Variants in CNNM2 observed in about 807,000 individuals in gnomAD.
The protein encoded by CNNM2 is cyclin and CBS domain divalent metal cation transport mediator 2.
In CNNM2, 12 loss-of-function variants were observed where a neutral mutation model predicts 66.9. The ratio of observed to expected loss-of-function variants is 0.18; its 90% CI spans 0.11 to 0.29. CNNM2 has a LOEUF of 0.29. Ranked by LOEUF, CNNM2 falls within the 10% of genes least tolerant of loss-of-function variation. The pLI is 1.00. For synonymous variants in CNNM2, 557 were observed against 501.8 expected, an observed-to-expected ratio of 1.11 and a Z score of -1.47; for missense variants, 705 against 1,167.7, an observed-to-expected ratio of 0.60 and a Z score of 5.77.
In CNNM2 at chr10:102,931,539, T is replaced by C. The variant is rs1483812148; in HGVS notation, c.1621+11438T>C. ...CGGCCGGCTAATTTTGTATTTTTAGTAGAGACGGGGTTTCTCCATGTTGGT... is the reference window on the plus strand; with the variant it reads ...CGGCCGGCTAATTTTGTATTTTTAGCAGAGACGGGGTTTCTCCATGTTGGT... On this transcript the variant is annotated intron_variant, in intron 1 of 7. Transcript: ENST00000369878. Among the ~76,000 whole-genome samples, 1 of 152,100 alleles carries C rather than the reference T, an allele frequency of 6.6e-6. No individual in the cohort carries two copies. Among genetic ancestry groups the C allele is most frequent in the Non-Finnish European group, 1.5e-5 (1 of 68,000 alleles).
intron 1 of CNNM2, among the ~76,000 whole-genome samples, chr10:102,983,518 A>G (rs968002772): frequency 3.9e-5 from 6 of 151,900 alleles, no homozygotes; most frequent in Non-Finnish European, 8.8e-5. Context: ...AAATTACTGC[A>G]GCCTTGACCT....
intron 1 of CNNM2, among the ~76,000 whole-genome samples, chr10:103,037,005 C>A (rs2064952727): frequency 6.6e-6 from 1 of 151,976 alleles, no homozygotes; most frequent in South Asian, 2.1e-4. Flanking sequence ...AAGATGTTAC[C>A]ATTGGGGGAA....
intron 1 of CNNM2, among the ~76,000 whole-genome samples, chr10:103,000,538 C>T (rs921064744): frequency 6.6e-6 from 1 of 152,004 alleles, no homozygotes; most frequent in African/African-American, 2.4e-5. Context: ...ACTACAGCCT[C>T]GGCCTCCTGG....
At chr10:102,952,098 C>A (rs1276105884) in intron 1 of CNNM2, among the ~76,000 whole-genome samples, 1 of 151,534 alleles carries the variant, frequency 6.6e-6, no homozygotes, top group Non-Finnish European at 1.5e-5. Context: ...CCACCACGCC[C>A]GGCCAATTTT....
chr10:102,982,348 G>A (rs2063732285), intron 1 of CNNM2, among the ~76,000 whole-genome samples: 1 of 152,124 alleles, frequency 6.6e-6, no homozygotes, highest in South Asian at 2.1e-4. Context: ...GGTTAGCCTG[G>A]GGCCTGCAGT....
At chr10:103,034,560 C>T (rs981300278) in intron 1 of CNNM2, among the ~76,000 whole-genome samples, 1 of 152,118 alleles carries the variant, frequency 6.6e-6, no homozygotes, top group East Asian at 1.9e-4. Flanking sequence ...CTGATCTTGT[C>T]TACTTGTGTT....
At chr10:103,045,579 C>T (rs561448340) in intron 1 of CNNM2, among the ~76,000 whole-genome samples, 13 of 151,916 alleles carry the variant, frequency 8.6e-5, no homozygotes, top group African/African-American at 2.9e-4. Context: ...ATTTAAAGCT[C>T]TTGCACCCCA....
chr10:102,990,874 T>C (rs2134241827), intron 1 of CNNM2, among the ~76,000 whole-genome samples: 1 of 152,346 alleles, frequency 6.6e-6, no homozygotes, highest in East Asian at 1.9e-4. Flanking sequence ...TCTGATTTCT[T>C]TTACCCCCTG....
chr10:102,997,630 TTATAAAG>T (rs1368624104), intron 1 of CNNM2, among the ~76,000 whole-genome samples: 1 of 152,072 alleles, frequency 6.6e-6, no homozygotes, highest in African/African-American at 2.4e-5. Context: ...TGTAAAATAT[TTATAAAG>T]TATAATTTAT....
chr10:102,967,811 C>T (rs1191760658), intron 1 of CNNM2, among the ~76,000 whole-genome samples: 1 of 152,132 alleles, frequency 6.6e-6, no homozygotes, highest in African/African-American at 2.4e-5. Flanking sequence ...GAGTTCCTGC[C>T]CAGACTGGCC....
Position 103,071,803 on chromosome 10 carries a change from G to A in CNNM2, c.2197G>A (p.Val733Ile). The A allele has an allele frequency of 1.2e-6, 2 of 1,613,874 alleles. No individual in the cohort carries two copies. The highest frequency in any genetic ancestry group is 1.7e-6 in the Non-Finnish European group (2 of 1,179,880). Residue 733 changes from valine to isoleucine, a missense_variant, in exon 6 of 8, where the codon GTC (valine) becomes ATC (isoleucine). This residue lies in a region of CNNM2 where 194 missense variants were observed against 227.6 expected (regional missense o/e 0.85). Coordinates refer to ENST00000369878, the MANE Select transcript of CNNM2 (RefSeq NM_017649.5). ...VPLSLSRTFVVSRTELLAAGS... is the reference protein window; with the variant it reads ...VPLSLSRTFVISRTELLAAGS... ...TTTGTCCCTGTCTCGTACCTTTGTTGTCAGCAGAACAGAGTTGTTAGCAGC... is the reference window on the plus strand; with the variant it reads ...TTTGTCCCTGTCTCGTACCTTTGTTATCAGCAGAACAGAGTTGTTAGCAGC...
In CNNM2 at chr10:103,077,324, A is replaced by G. The variant is rs2065708668; in HGVS notation, c.*144A>G. 2 of 700,348 alleles carry G rather than the reference A, an allele frequency of 2.9e-6. No individual in the cohort carries two copies. The highest frequency in any genetic ancestry group is 4.0e-4 in the Middle Eastern group (1 of 2,488). 43.4% of individuals were successfully genotyped at this position (700,348 alleles called of 1,614,324 possible). ...AGACCAAAGACCTTGTGCCCTTCCC[A>G]GGAGCCGCGGAGGAGGACAGTGAGG... On this transcript the variant is annotated 3_prime_UTR_variant, in exon 8 of 8. Transcript: ENST00000369878.
intron 2 of CNNM2, among the ~76,000 whole-genome samples, chr10:103,050,314 C>G (rs1176895930): frequency 6.6e-6 from 1 of 152,014 alleles, no homozygotes; most frequent in African/African-American, 2.4e-5. Context: ...GGTGAATCAC[C>G]TGAGGTCAGG....
At position 103,073,779 on chromosome 10, in the gene CNNM2, G is replaced by A. The variant is rs11191546; in HGVS notation, c.2233+1940G>A. Among the ~76,000 whole-genome samples, 16,379 of 149,178 alleles carry A rather than the reference G, an allele frequency of 0.11. 1,148 individuals carry two copies. Among genetic ancestry groups the A allele is most frequent in the Non-Finnish European group, 0.15 (10,197 of 67,390 alleles). On this transcript the variant is annotated intron_variant, in intron 6 of 7. Coordinates refer to ENST00000369878, the MANE Select transcript of CNNM2 (RefSeq NM_017649.5). ...CGGGAGGCTGAGGCAGGAGAATGGCGTGAACCCGGGAAGCGGAACTTGCAG... is the reference window on the plus strand; with the variant it reads ...CGGGAGGCTGAGGCAGGAGAATGGCATGAACCCGGGAAGCGGAACTTGCAG...
chr10:103,062,052 GCTAT>G (rs1302104753), intron 4 of CNNM2, among the ~76,000 whole-genome samples: 1 of 152,186 alleles, frequency 6.6e-6, no homozygotes, highest in Admixed American at 6.5e-5. Context: ...GTTTTACAAA[GCTAT>G]CTATGCAAAT....
Position 102,919,371 on chromosome 10 carries a change from G to A in CNNM2, c.891G>A (p.Lys297=). Residue 297 remains lysine, a synonymous_variant, in exon 1 of 8, where the codon AAG becomes AAA. Coordinates refer to ENST00000369878, the MANE Select transcript of CNNM2 (RefSeq NM_017649.5). The part of the protein sequence containing the change: ...LRIVQNCGTE[K]EKNYAKRIEP... ...TCGTGCAGAACTGCGGCACGGAGAAGGAGAAGAATTACGCCAAGCGCATCG... is the reference window on the plus strand; with the variant it reads ...TCGTGCAGAACTGCGGCACGGAGAAAGAGAAGAATTACGCCAAGCGCATCG... The A allele has an allele frequency of 6.2e-7, 1 of 1,612,656 alleles. No homozygotes were observed. The highest frequency in any genetic ancestry group is 1.1e-5 in the South Asian group (1 of 91,086).
At chr10:103,008,458 C>G (rs537224873) in intron 1 of CNNM2, among the ~76,000 whole-genome samples, 1 of 152,272 alleles carries the variant, frequency 6.6e-6, no homozygotes, top group Non-Finnish European at 1.5e-5. Context: ...ATTAGAAATA[C>G]TCTGTCAGAA....
At chr10:103,076,731 C>T (rs1040467480) in intron 7 of CNNM2, among the ~76,000 whole-genome samples, 2 of 152,178 alleles carry the variant, frequency 1.3e-5, no homozygotes, top group African/African-American at 4.8e-5. Context: ...CTGGGAGAAA[C>T]CAGTCTCTAT....
intron 2 of CNNM2, among the ~76,000 whole-genome samples, chr10:103,050,228 G>C (rs1203918851): frequency 6.6e-6 from 1 of 152,100 alleles, no homozygotes; most frequent in East Asian, 1.9e-4. Context: ...CATAACTCAA[G>C]TACTCTTTAA....
Sources: gnomAD v4.1 joint callset for allele counts (sites outside exome capture counted in the v4.1 genomes callset) on GRCh38, gnomAD v4.1.1 for gene constraint, gnomAD v4.1.1 regional missense constraint, MANE v1.5 for transcripts, NCBI Gene and HGNC (gene_info 2026-07-23, HGNC 2026-07-21) for gene names.